TARS3: variants seen among roughly 807,000 people sequenced by gnomAD.
The protein encoded by TARS3 is threonyl-tRNA synthetase 3.
TARS3 carries 94 observed loss-of-function variants against 103.5 expected under a neutral mutation model. The observed-to-expected ratio is 0.91, with a 90% CI of 0.77 to 1.08. TARS3 has a LOEUF of 1.08. TARS3 is among the 50% of genes least tolerant of loss of function. TARS3 has a pLI of 0.00. For missense variants in TARS3, 952 were observed against 995.2 expected, an observed-to-expected ratio of 0.96 and a Z score of 0.58; for synonymous variants, 416 against 355.4, an observed-to-expected ratio of 1.17 and a Z score of -1.92.
At chr15:101,657,369 T>TGACTGCAGCCCCGGCC (rs1897230923) in intron 17 of TARS3, among the ~76,000 whole-genome samples, 1 of 152,022 alleles carries the variant, frequency 6.6e-6, no homozygotes, top group African/African-American at 2.4e-5. Flanking sequence ...CAGCCCTGGC[T>TGACTGCAGCCCCGGCC]GACAGCCTGA....
chr15:101,689,415 A>T (rs1349575170), intron 10 of TARS3, among the ~76,000 whole-genome samples: 1 of 152,228 alleles, frequency 6.6e-6, no homozygotes, highest in African/African-American at 2.4e-5. Context: ...CTAGTACTTC[A>T]GAATGTGTCC....
At chr15:101,675,936 A>G (rs1760509939) in intron 12 of TARS3, among the ~76,000 whole-genome samples, 199 bp from the exon 13 acceptor site, 2 of 151,986 alleles carry the variant, frequency 1.3e-5, no homozygotes, top group South Asian at 2.1e-4. Context: ...GAGAAGGAGT[A>G]GGCGAGGGAA....
At chr15:101,720,999 A>G in intron 3 of TARS3, 127 bp downstream of exon 3, 1 of 791,854 alleles carries the variant, frequency 1.3e-6, no homozygotes, top group Non-Finnish European at 2.0e-6. Context: ...TAAATAACCC[A>G]GTCTCAGACA....
At position 101,675,580 on chromosome 15, in the gene TARS3, G is replaced by A. The variant is rs372589719; in HGVS notation, c.1788+20C>T. 4 of 1,604,270 alleles carry A rather than the reference G, an allele frequency of 2.5e-6. No homozygotes were observed. The highest frequency in any genetic ancestry group is 2.7e-5 in the African/African-American group (2 of 74,492). On this transcript the variant is annotated intron_variant, in intron 13 of 18. Transcript: ENST00000335968. ...TCCATACGACTAAAATGAAGAGGAA[G>A]CACAAGGTGTGTCTCTTACCTTCTC...
chr15:101,704,929 C>A (rs757704501), intron 7 of TARS3, among the ~76,000 whole-genome samples: 4 of 152,004 alleles, frequency 2.6e-5, no homozygotes, highest in Admixed American at 6.6e-5. Context: ...ACAATTAAAC[C>A]AGAGAACCAT....
chr15:101,658,787 T>G (rs991635040), intron 16 of TARS3, among the ~76,000 whole-genome samples: 1 of 152,124 alleles, frequency 6.6e-6, no homozygotes, highest in Non-Finnish European at 1.5e-5. Context: ...GCTGGACTTC[T>G]CTGTATAACT....
At chr15:101,675,901 G>A (rs1898002552) in intron 12 of TARS3, among the ~76,000 whole-genome samples, 164 bp from the exon 13 acceptor site, 1 of 152,178 alleles carries the variant, frequency 6.6e-6, no homozygotes, top group African/African-American at 2.4e-5. Context: ...ACCTTCGTTT[G>A]AGTGCTAGGC....
chr15:101,701,104 C>T lies in TARS3; in HGVS notation c.1302G>A (p.Thr434=), dbSNP rs367619548. The change falls in exon 10 of 19, where the codon ACG becomes ACA. Residue 434 remains threonine, a synonymous_variant. Coordinates refer to ENST00000335968, the MANE Select transcript of TARS3 (RefSeq NM_152334.3). The stretch of plus-strand genomic sequence containing the variant: ...AACTTACTCGTATGAAATCTGTAAG[C>T]GTATTATAAATGAAGGCTCCTCTGG... ...FLPRGAFIYN[T]LTDFIREEYH... is the part of the protein sequence containing the mutation. 1.0e-4 allele frequency: 165 copies of T among 1,573,646 alleles called. No individual in the cohort carries two copies. Among genetic ancestry groups the T allele is most frequent in the South Asian group, 2.8e-4 (23 of 82,718 alleles).
In TARS3 at chr15:101,719,337, G is replaced by A. The variant is rs536965943; in HGVS notation, c.566+1789C>T. 1.1e-4 allele frequency among the ~76,000 whole-genome samples: 17 copies of A among 152,320 alleles called. No homozygotes were observed. In the South Asian group the frequency reaches 3.3e-3, roughly 30 times the overall value. ...ATACAAGTGGTCAGCCTGATGGGGG[G>A]TGTTCTGTACATCACTCAGAAATCC... On this transcript the variant is annotated intron_variant, in intron 3 of 18. Transcript: ENST00000335968.
At chr15:101,720,925 T>C (rs1297237243) in intron 3 of TARS3, among the ~76,000 whole-genome samples, 1 of 152,226 alleles carries the variant, frequency 6.6e-6, no homozygotes, top group African/African-American at 2.4e-5. Context: ...CTGCCACGAC[T>C]GTAAGTTTCC....
intron 10 of TARS3, among the ~76,000 whole-genome samples, chr15:101,697,994 G>A (rs1289478011): frequency 2.0e-5 from 3 of 152,172 alleles, no homozygotes; most frequent in Admixed American, 2.0e-4. Context: ...AATGAAATAA[G>A]GGCTTTGGAT....
At chr15:101,715,425 C>T (rs1450310950) in intron 3 of TARS3, among the ~76,000 whole-genome samples, 3 of 152,074 alleles carry the variant, frequency 2.0e-5, no homozygotes, top group Non-Finnish European at 2.9e-5. Context: ...GGATTACAGG[C>T]GTGAGCCACC....
intron 18 of TARS3, chr15:101,656,022 T>C: frequency 7.8e-7 from 1 of 1,289,210 alleles, no homozygotes; most frequent in African/African-American, 1.5e-5. Context: ...GAAACCGGTC[T>C]GCAGATAAGT....
chr15:101,655,882 G>C (rs1897183043), intron 18 of TARS3: 1 of 1,287,490 alleles, frequency 7.8e-7, no homozygotes, highest in South Asian at 1.2e-5. Flanking sequence ...GAGCCAAGGA[G>C]TGGACACCAG....
chr15:101,690,014 G>T (rs1898642718), intron 10 of TARS3, among the ~76,000 whole-genome samples: 1 of 152,194 alleles, frequency 6.6e-6, no homozygotes, highest in African/African-American at 2.4e-5. Flanking sequence ...ACTCATGGTG[G>T]CCAATGGCAC....
intron 10 of TARS3, among the ~76,000 whole-genome samples, chr15:101,688,099 AGGAG>A (rs1567338062): frequency 2.6e-5 from 4 of 152,174 alleles, no homozygotes; most frequent in African/African-American, 7.2e-5. Flanking sequence ...ATAAATATAT[AGGAG>A]ATATCTATAT....
chr15:101,703,810 T>G, intron 8 of TARS3, 49 bp downstream of exon 8: 1 of 1,117,074 alleles, frequency 9.0e-7, no homozygotes, highest in Non-Finnish European at 1.4e-6. Flanking sequence ...AATCCTTTAA[T>G]AGCTAGTGCA....
intron 12 of TARS3, among the ~76,000 whole-genome samples, chr15:101,677,635 A>G (rs1898083656): frequency 6.6e-6 from 1 of 152,032 alleles, no homozygotes; most frequent in Non-Finnish European, 1.5e-5. Flanking sequence ...AGTAGCTGGG[A>G]TTACAGGCAC....
chr15:101,696,515 C>T (rs983060631), intron 10 of TARS3, among the ~76,000 whole-genome samples: 3 of 152,246 alleles, frequency 2.0e-5, no homozygotes, highest in Non-Finnish European at 4.4e-5. Flanking sequence ...GATGAAATGG[C>T]AGTTTTAAAC....
Sources: gnomAD v4.1 joint callset for allele counts (sites outside exome capture counted in the v4.1 genomes callset) on GRCh38, gnomAD v4.1.1 for gene constraint, MANE v1.5 for transcripts, NCBI Gene and HGNC (gene_info 2026-07-23, HGNC 2026-07-21) for gene names.